The following IGF2R variants were observed in gnomAD, a reference collection of about 807,000 sequenced individuals.
The protein encoded by IGF2R is cation-independent mannose-6-phosphate receptor.
In IGF2R, 91 loss-of-function variants were observed where a neutral mutation model predicts 270.6. That is an observed-to-expected ratio of 0.34 (90% CI 0.28 to 0.40). IGF2R has a LOEUF of 0.40. IGF2R is among the 10% of genes least tolerant of loss of function. The probability of loss-of-function intolerance (pLI) is 1.00; values close to 1 mark genes in which losing one functional copy is unlikely to be tolerated. For synonymous variants in IGF2R, 1,316 were observed against 1,258.9 expected (o/e 1.05, Z -0.96); for missense variants, 2,805 against 3,188.3 (o/e 0.88, Z 2.90).
At chr6:159,991,980 G>A (rs983728814) in intron 2 of IGF2R, among the ~76,000 whole-genome samples, 3 of 152,238 alleles carry the variant, frequency 2.0e-5, no homozygotes, top group Admixed American at 6.5e-5. Flanking sequence ...GCAGATGCCT[G>A]AAGGAAGGGA....
intron 5 of IGF2R, among the ~76,000 whole-genome samples, chr6:160,026,975 C>G (rs8191752): frequency 0.018 from 2,723 of 152,284 alleles, 34 homozygotes; most frequent in South Asian, 0.038. Context: ...CTGTGCACCT[C>G]TTATATACCA....
intron 31 of IGF2R, 54 bp from the exon 32 acceptor site, chr6:160,071,856 T>A: frequency 2.5e-6 from 4 of 1,596,322 alleles, no homozygotes; most frequent in Non-Finnish European, 3.4e-6. Flanking sequence ...GAAATCATGA[T>A]AGACATGGAG....
At chr6:159,983,345 G>A (rs899198510) in intron 1 of IGF2R, among the ~76,000 whole-genome samples, 5 of 152,178 alleles carry the variant, frequency 3.3e-5, no homozygotes, top group African/African-American at 1.2e-4. Context: ...TTGGTAATCT[G>A]CCAACACCTT....
rs772232123 is a variant in IGF2R at position 160,060,663 on chromosome 6, G to C, written c.3208G>C (p.Glu1070Gln). The change falls in exon 23 of 48, where the codon GAG (glutamate) becomes CAG (glutamine). Residue 1070 changes from glutamate (E) to glutamine (Q), a missense_variant. Physicochemically the swap from Glu to Gln is conservative, Grantham distance 29 (BLOSUM62 2). Around this residue, in one of 2 missense-constraint regions of IGF2R, gnomAD observed 1,851 missense variants for 2,207.2 expected, o/e 0.84. Transcript: ENST00000356956. ...SGQGIRNTYF[E>Q]FETALACVPS... is the part of the protein sequence containing the mutation. ...GCAAGGGATCCGAAACACTTACTTT[G>C]AGTTTGAAACCGCGTTGGCCTGTGT... 1.9e-6 allele frequency: 3 copies of C among 1,614,146 alleles called. No individual in the cohort carries two copies. The African/African-American group carries it at 4.0e-5, about 22-fold the overall frequency.
Position 160,063,587 on chromosome 6 carries a change from A to G in IGF2R, c.3843A>G (p.Ser1281=). The change falls in exon 27 of 48, where the codon TCA becomes TCG. Residue 1281 remains serine (S), a synonymous_variant. Transcript: ENST00000356956. ...GTGACAAGTCCAAGGTGGTCTCCTC[A>G]TGTCAGGAAAAGCGGGAACCGCAGG... is the stretch of plus-strand genomic sequence containing the variant. ...PTSDKSKVVS[S]CQEKREPQGF... 2 of 1,614,258 alleles carry G rather than the reference A, an allele frequency of 1.2e-6. No individual in the cohort carries two copies. Among genetic ancestry groups the G allele is most frequent in the Non-Finnish European group, 1.7e-6 (2 of 1,180,040 alleles).
rs1778158510 is a variant in IGF2R, at chr6:160,050,066, G to C, written c.2515-407G>C. ...AAGAAACTGCATTTGGTTCCCTGTA[G>C]GGAGGTCTTCATAGTGGTTAGTGTC... is the stretch of plus-strand genomic sequence containing the variant. On this transcript the variant is annotated intron_variant, in intron 18 of 47. Transcript: ENST00000356956. The surrounding 1 kb of genome is among the most constrained non-coding windows in gnomAD (Gnocchi z 4.0). Among the ~76,000 whole-genome samples the C allele has an allele frequency of 6.6e-6, 1 of 152,218 alleles. No homozygotes were observed. The highest frequency in any genetic ancestry group is 1.5e-5 in the Non-Finnish European group (1 of 68,048).
At chr6:160,083,630 C>T (rs552379356) in intron 39 of IGF2R, among the ~76,000 whole-genome samples, 1 of 152,370 alleles carries the variant, frequency 6.6e-6, no homozygotes, top group Non-Finnish European at 1.5e-5. Context: ...GTGCATTGTG[C>T]CCCTGGTTTA....
intron 45 of IGF2R, among the ~76,000 whole-genome samples, 161 bp downstream of exon 45, chr6:160,096,786 G>A (rs1037226400): frequency 6.6e-6 from 1 of 152,170 alleles, no homozygotes. Flanking sequence ...TCAGTGCCCC[G>A]CTCCGTTGCT....
chr6:160,101,651 T>G (rs1383476911), intron 45 of IGF2R, among the ~76,000 whole-genome samples: 1 of 152,186 alleles, frequency 6.6e-6, no homozygotes, highest in Non-Finnish European at 1.5e-5. Flanking sequence ...CAGGAGGAAT[T>G]TCTGTTTATG....
At chr6:160,035,796 T>C (rs775544408) in intron 10 of IGF2R, among the ~76,000 whole-genome samples, 12 of 152,166 alleles carry the variant, frequency 7.9e-5, no homozygotes, top group Non-Finnish European at 1.6e-4. Context: ...GCAGTGCTGC[T>C]AGAGTAGAGC....
chr6:160,025,594 T>G (rs1777542849), intron 5 of IGF2R, among the ~76,000 whole-genome samples: 1 of 152,220 alleles, frequency 6.6e-6, no homozygotes. Context: ...CTATCTTGTT[T>G]ATGTATTATT....
At chr6:160,018,616 A>G (rs561439220) in intron 4 of IGF2R, among the ~76,000 whole-genome samples, 1 of 152,326 alleles carries the variant, frequency 6.6e-6, no homozygotes, top group Non-Finnish European at 1.5e-5. Flanking sequence ...AATGATACCA[A>G]GTATCTTCTC....
intron 4 of IGF2R, among the ~76,000 whole-genome samples, chr6:160,011,245 C>T (rs141989558): frequency 4.1e-4 from 63 of 152,250 alleles, no homozygotes; most frequent in African/African-American, 1.4e-3. Context: ...TCTCTCTGTC[C>T]CTCTCCTCAG....
At chr6:160,011,195 C>T (rs773060699) in intron 4 of IGF2R, among the ~76,000 whole-genome samples, 6 of 152,138 alleles carry the variant, frequency 3.9e-5, no homozygotes, top group East Asian at 1.9e-4. Flanking sequence ...TGTTGTACCC[C>T]GCTTTTGATA....
chr6:160,028,032 G>A (rs373514432), intron 6 of IGF2R, among the ~76,000 whole-genome samples: 1 of 152,146 alleles, frequency 6.6e-6, no homozygotes, highest in African/African-American at 2.4e-5. Context: ...GAGGGGAAAA[G>A]TGTTTGGAAT....
chr6:160,099,730 G>A (rs1183860448), intron 45 of IGF2R, among the ~76,000 whole-genome samples: 2 of 152,166 alleles, frequency 1.3e-5, no homozygotes, highest in Admixed American at 6.5e-5. Flanking sequence ...TCCCATAGTC[G>A]CTTCACGGAA....
intron 26 of IGF2R, 102 bp downstream of exon 26, chr6:160,062,721 G>A: frequency 1.3e-6 from 1 of 779,732 alleles, no homozygotes; most frequent in Non-Finnish European, 2.1e-6. Context: ...AGCCATAGCT[G>A]GGGTCATGAG....
In IGF2R at chr6:160,073,339, A is replaced by G; in HGVS notation, c.4817A>G (p.Tyr1606Cys). ...SPCPSKSGLS[Y>C]KSVISFVCRP... ...TGTCCCTCCAAATCCGGCCTGAGCT[A>G]TAAGAGTGTGATCAGTTTCGTGTGC... The change falls in exon 34 of 48, where the codon TAT becomes TGT. Residue 1606 changes from tyrosine to cysteine, a missense_variant. This residue lies in a region of IGF2R where 1,851 missense variants were observed against 2,207.2 expected (regional missense o/e 0.84). Transcript: ENST00000356956. 3 of 1,614,280 alleles carry G rather than the reference A, an allele frequency of 1.9e-6. No individual in the cohort carries two copies. Among genetic ancestry groups the G allele is most frequent in the Non-Finnish European group, 1.7e-6 (2 of 1,180,052 alleles).
chr6:160,080,742 G>A (rs951828746), intron 39 of IGF2R, among the ~76,000 whole-genome samples: 2 of 152,246 alleles, frequency 1.3e-5, no homozygotes, highest in Non-Finnish European at 1.5e-5. Context: ...TTGCCCCTGC[G>A]GTGCTCAGGA....
Sources: allele counts gnomAD v4.1 joint callset (sites outside exome capture counted in the v4.1 genomes callset), GRCh38; gene constraint gnomAD v4.1.1; regional missense constraint gnomAD v4.1.1; non-coding constraint Gnocchi (gnomAD v3.1); transcripts MANE v1.5; gene names NCBI Gene and HGNC (gene_info 2026-07-23, HGNC 2026-07-21).